The following BAHCC1 variants were observed in gnomAD, a reference collection of about 807,000 sequenced individuals.
BAHCC1 encodes the protein BAH domain and coiled-coil containing 1, also known as BAH and coiled-coil domain-containing protein 1.
BAHCC1 carries 43 observed loss-of-function variants against 88.2 expected under a neutral mutation model. That is an observed-to-expected ratio of 0.49 (90% CI 0.38 to 0.63). BAHCC1 has a LOEUF of 0.63. Among genes scored for constraint, BAHCC1 ranks in the 20% least tolerant of loss-of-function variants. BAHCC1 has a pLI of 0.00. For missense variants in BAHCC1, 3,023 were observed against 1,654.8 expected (o/e 1.83, Z -14.34); for synonymous variants, 1,510 against 745.5 (o/e 2.03, Z -16.71).
At chr17:81,412,288 A>G (rs1196174338) in intron 2 of BAHCC1, among the ~76,000 whole-genome samples, 2 of 152,376 alleles carry the variant, frequency 1.3e-5, no homozygotes, top group East Asian at 3.9e-4. Flanking sequence ...GGGTGTCCTA[A>G]AAATAAACTT....
Position 81,442,908 on chromosome 17 carries a change from G to A in BAHCC1, c.1559G>A (p.Cys520Tyr). The A allele has an allele frequency of 2.6e-6, 2 of 779,076 alleles. No homozygotes were observed. Among genetic ancestry groups the A allele is most frequent in the Non-Finnish European group, 2.4e-6 (1 of 417,788 alleles). The allele number at this position is 779,076 out of a possible 1,614,324, so 48.3% of individuals were successfully genotyped here. The change falls in exon 5 of 28, where the codon TGC becomes TAC. Residue 520 changes from cysteine to tyrosine, a missense_variant. By Grantham distance (194) the Cys-to-Tyr change is radical. Transcript: ENST00000675386. ...CTGGGCGGGAAGGCCCCCCAGGCCTGCTGCACTTTAGATAAGACTGTTGGC... is the reference window on the plus strand; with the variant it reads ...CTGGGCGGGAAGGCCCCCCAGGCCTACTGCACTTTAGATAAGACTGTTGGC... ...DPLGGKAPQA[C>Y]CTLDKTVGKE...
chr17:81,458,094 G>C, intron 17 of BAHCC1, 71 bp from the exon 18 acceptor site: 1 of 701,048 alleles, frequency 1.4e-6, no homozygotes, highest in Admixed American at 2.1e-5. Context: ...AGGGAGGACC[G>C]GCACAGTCAG....
chr17:81,445,702 C>T (rs1192818844), intron 10 of BAHCC1, 21 bp downstream of exon 10: 8 of 718,092 alleles, frequency 1.1e-5, no homozygotes, highest in East Asian at 2.7e-5. Flanking sequence ...CCGCCTGGCC[C>T]GGCCCACTGT....
At chr17:81,398,640 G>T (rs1421748740) in intron 1 of BAHCC1, among the ~76,000 whole-genome samples, 1 of 152,232 alleles carries the variant, frequency 6.6e-6, no homozygotes, top group East Asian at 1.9e-4. Context: ...CCCCCAATCC[G>T]CAGAGGAAGA....
chr17:81,401,172 C>CA (rs2063811859), intron 2 of BAHCC1: 2 of 152,352 alleles, frequency 1.3e-5, no homozygotes, highest in Admixed American at 1.3e-4. Context: ...GGAGGGCACT[C>CA]AAAGAAAAAC....
At chr17:81,424,488 G>C (rs2064150812) in intron 2 of BAHCC1, among the ~76,000 whole-genome samples, 1 of 152,274 alleles carries the variant, frequency 6.6e-6, no homozygotes, top group Non-Finnish European at 1.5e-5. Flanking sequence ...ACCCACCTGG[G>C]TGGTAGTGGT....
intron 2 of BAHCC1, among the ~76,000 whole-genome samples, chr17:81,418,849 C>T (rs1555649182): frequency 2.0e-5 from 2 of 99,172 alleles, no homozygotes; most frequent in African/African-American, 6.4e-5. Flanking sequence ...TCATCCCAGA[C>T]ATGTAGCACA....
chr17:81,441,123 G>A (rs2064407609), intron 4 of BAHCC1, among the ~76,000 whole-genome samples: 1 of 152,202 alleles, frequency 6.6e-6, no homozygotes. Flanking sequence ...CTGGCACTGG[G>A]CCAGGCAGGG....
intron 4 of BAHCC1, among the ~76,000 whole-genome samples, chr17:81,441,353 C>T (rs1568016382): frequency 6.6e-6 from 1 of 152,190 alleles, no homozygotes; most frequent in East Asian, 1.9e-4. Flanking sequence ...TATTTCACTA[C>T]AATTTTATAA....
At chr17:81,456,635 C>T (rs1424405759) in intron 16 of BAHCC1, 50 bp downstream of exon 16, 7 of 666,012 alleles carry the variant, frequency 1.1e-5, no homozygotes, top group Admixed American at 2.6e-5. Flanking sequence ...GTCATGGTCG[C>T]TCGGGGGCTG....
In BAHCC1 at chr17:81,461,222, A is replaced by G. The variant is rs1555659230; in HGVS notation, c.6559A>G (p.Lys2187Glu). The change falls in exon 26 of 28, where the codon AAG becomes GAG. Residue 2187 changes from lysine (K) to glutamate (E), a missense_variant. Transcript: ENST00000675386. ...PRGAHKLLRA[K>E]KAERVEAEKG... ...GGGAGCCCACAAGCTGCTGCGGGCT[A>G]AGAAGGCCGAGAGGGTGGAGGCCGA... is the stretch of plus-strand genomic sequence containing the variant. 1 of 720,146 alleles carries G rather than the reference A, an allele frequency of 1.4e-6. No homozygotes were observed. 44.6% of individuals were successfully genotyped at this position (720,146 alleles called of 1,614,324 possible). A position where few individuals can be genotyped will look rare whatever the true frequency, so the allele number is the denominator to read the frequency against.
chr17:81,402,024 A>C (rs1448697988), intron 2 of BAHCC1: 3 of 152,256 alleles, frequency 2.0e-5, no homozygotes, highest in African/African-American at 7.2e-5. Context: ...GCTGTGAGAA[A>C]CGGCTCTGGG....
In BAHCC1 at chr17:81,458,727, TAGC is replaced by T; in HGVS notation, c.5448+6_5448+8del. The T allele has an allele frequency of 1.4e-6, 1 of 735,210 alleles. No individual in the cohort carries two copies. The highest frequency in any genetic ancestry group is 1.4e-5 in the South Asian group (1 of 69,248). 45.5% of individuals were successfully genotyped at this position (735,210 alleles called of 1,614,324 possible). ...GTGAAGCACAAGGCCGGCAAGCAGG[TAGC>T]AGCCCCCCACTCTGGGAGCCCACTG... On this transcript the variant is annotated splice_donor_5th_base_variant and intron_variant, in intron 19 of 27. Transcript: ENST00000675386.
rs879989126 is a variant in BAHCC1, at chr17:81,438,285, C to T, written c.359-85C>T. 2.1e-4 allele frequency: 159 copies of T among 747,146 alleles called. 2 individuals carry two copies. The highest frequency in any genetic ancestry group is 1.9e-3 in the Admixed American group (104 of 55,116). The allele number at this position is 747,146 out of a possible 1,614,324, so 46.3% of individuals were successfully genotyped here. A position where few individuals can be genotyped will look rare whatever the true frequency, so the allele number is the denominator to read the frequency against. ...GGGACATCGCTCCTGGGCTGCCTGCCGGCTTCTTGCCTCCCTGGGGTCAGG... is the reference window on the plus strand; with the variant it reads ...GGGACATCGCTCCTGGGCTGCCTGCTGGCTTCTTGCCTCCCTGGGGTCAGG... On this transcript the variant is annotated intron_variant, in intron 3 of 27. Coordinates refer to ENST00000675386, the MANE Select transcript of BAHCC1 (RefSeq NM_001377448.1).
At chr17:81,428,773 G>GC (rs2064228490) in intron 3 of BAHCC1, among the ~76,000 whole-genome samples, 1 of 152,216 alleles carries the variant, frequency 6.6e-6, no homozygotes, top group Non-Finnish European at 1.5e-5. Context: ...TGCCTGGGCG[G>GC]AGCTGCCCAC....
In BAHCC1 at chr17:81,447,555, A is replaced by C. The variant is rs1555654898; in HGVS notation, c.3683A>C (p.Glu1228Ala). 9.2e-6 allele frequency: 7 copies of C among 757,312 alleles called. No individual in the cohort carries two copies. Among genetic ancestry groups the C allele is most frequent in the Non-Finnish European group, 1.7e-5 (7 of 407,338 alleles). The allele number at this position is 757,312 out of a possible 1,614,324, so 46.9% of individuals were successfully genotyped here. A position where few individuals can be genotyped will look rare whatever the true frequency, so the allele number is the denominator to read the frequency against. The change falls in exon 11 of 28, where the codon GAG (glutamate) becomes GCG (alanine). Residue 1228 changes from glutamate to alanine, a missense_variant. Glu to Ala is a moderately radical substitution (Grantham distance 107). Coordinates refer to ENST00000675386, the MANE Select transcript of BAHCC1 (RefSeq NM_001377448.1). ...CCGGCCCCTGAGGAGGACGAGCTGG[A>C]GGAAGACGAGCTGGGGCAGCAGAGC... ...EQPAPEEDEL[E>A]EDELGQQSME...
At chr17:81,409,141 A>G (rs1239984489) in intron 2 of BAHCC1, among the ~76,000 whole-genome samples, 1 of 152,196 alleles carries the variant, frequency 6.6e-6, no homozygotes, top group Non-Finnish European at 1.5e-5. Flanking sequence ...CCCACACTGG[A>G]CCATGGCGTG....
At chr17:81,454,410 AG>A (rs2064704895) in intron 14 of BAHCC1, among the ~76,000 whole-genome samples, 1 of 152,122 alleles carries the variant, frequency 6.6e-6, no homozygotes, top group Non-Finnish European at 1.5e-5. Flanking sequence ...TCCATCTGGG[AG>A]GGGCCAGGGA....
At chr17:81,443,715 GC>G in intron 5 of BAHCC1, 93 bp from the exon 6 acceptor site, 4 of 669,346 alleles carry the variant, frequency 6.0e-6, no homozygotes, top group Non-Finnish European at 8.2e-6. Context: ...AGTGCATCAG[GC>G]CCCCCAGCTC....
Sources: allele counts gnomAD v4.1 joint callset (sites outside exome capture counted in the v4.1 genomes callset), GRCh38; gene constraint gnomAD v4.1.1; transcripts MANE v1.5; gene names NCBI Gene and HGNC (gene_info 2026-07-23, HGNC 2026-07-21).